Variants in IGSF10 observed in about 807,000 individuals in gnomAD.
IGSF10 encodes calvaria mechanical force protein 608.
In IGSF10, 126 loss-of-function variants were observed where a neutral mutation model predicts 128.2. The ratio of observed to expected loss-of-function variants is 0.98; its 90% confidence interval spans 0.85 to 1.14. The LOEUF (loss-of-function observed/expected upper bound fraction) is 1.14. IGSF10 is among the 50% of genes most tolerant of loss of function. The probability of loss-of-function intolerance (pLI) is 0.00; values close to 1 mark genes in which losing one functional copy is unlikely to be tolerated. For synonymous variants in IGSF10, 1,185 were observed against 1,146.2 expected, an observed-to-expected ratio of 1.03 and a Z score of -0.68; for missense variants, 3,295 against 3,149.8, an observed-to-expected ratio of 1.05 and a Z score of -1.10.
the IGSF10 span, among the ~76,000 whole-genome samples, chr3:151,532,141 C>A: frequency 6.6e-6 from 1 of 152,074 alleles, no homozygotes; most frequent in Non-Finnish European, 1.5e-5. Flanking sequence ...GAAGTCAAAT[C>A]CTGGAACAGA....
chr3:151,615,149 T>C, the IGSF10 span, among the ~76,000 whole-genome samples: 1 of 150,598 alleles, frequency 6.6e-6, no homozygotes, highest in Non-Finnish European at 1.5e-5. Context: ...GACAATGTTC[T>C]ACCCTCTAAT....
chr3:151,583,987 A>T, the IGSF10 span, among the ~76,000 whole-genome samples: 1 of 152,156 alleles, frequency 6.6e-6, no homozygotes, highest in Non-Finnish European at 1.5e-5. Flanking sequence ...TGTTACTTAG[A>T]TTATAAATAG....
At chr3:151,547,742 G>C in the IGSF10 span, among the ~76,000 whole-genome samples, 1 of 152,164 alleles carries the variant, frequency 6.6e-6, no homozygotes, top group Admixed American at 6.5e-5. Context: ...TTATGAGAAA[G>C]AGTGCATGGG....
At chr3:151,500,709 C>G in the IGSF10 span, among the ~76,000 whole-genome samples, 1 of 152,132 alleles carries the variant, frequency 6.6e-6, no homozygotes, top group Non-Finnish European at 1.5e-5. Context: ...AGAAGCATTT[C>G]TCACCGATAT....
chr3:151,497,515 G>A, the IGSF10 span, among the ~76,000 whole-genome samples: 19 of 152,120 alleles, frequency 1.2e-4, no homozygotes, highest in Non-Finnish European at 1.9e-4. Context: ...TGAGGGCTCT[G>A]TTCTGTTCCA....
At chr3:151,495,852 C>T in the IGSF10 span, among the ~76,000 whole-genome samples, 3 of 152,212 alleles carry the variant, frequency 2.0e-5, no homozygotes, top group Middle Eastern at 3.4e-3. Flanking sequence ...ATTCCTACTT[C>T]CCAATATGTA....
At chr3:151,553,536 A>T in the IGSF10 span, among the ~76,000 whole-genome samples, 1 of 152,022 alleles carries the variant, frequency 6.6e-6, no homozygotes, top group Non-Finnish European at 1.5e-5. Context: ...ACTATCACAG[A>T]TTCTTAAAAC....
chr3:151,576,798 G>A, the IGSF10 span, among the ~76,000 whole-genome samples: 1 of 152,094 alleles, frequency 6.6e-6, no homozygotes, highest in Non-Finnish European at 1.5e-5. Context: ...GAGGAGAGGC[G>A]GGAGAAACCC....
At position 151,443,793 on chromosome 3, in the gene IGSF10, G is replaced by GC; in HGVS notation, c.5153dup (p.Gly1719ArgfsTer54). ...TGGATGCGGAACACAAGTACTGTCC[G>GC]CGGTCCTGAATTTCCACCCTCTGGA... is the stretch of plus-strand genomic sequence containing the variant. On this transcript the variant is annotated frameshift_variant, in exon 7 of 8. Transcript: ENST00000282466. LOFTEE classifies it high-confidence loss of function. The GC allele has an allele frequency of 6.2e-7, 1 of 1,614,140 alleles. No individual in the cohort carries two copies. Among genetic ancestry groups the GC allele is most frequent in the Non-Finnish European group, 8.5e-7 (1 of 1,180,018 alleles).
chr3:151,440,187 G>T (rs2108533797), intron 7 of IGSF10, among the ~76,000 whole-genome samples: 1 of 152,110 alleles, frequency 6.6e-6, no homozygotes, highest in East Asian at 1.9e-4. Context: ...ACACCACTAT[G>T]CCCTCCTAAT....
Position 151,458,619 on chromosome 3 carries a change from G to A in IGSF10, c.91C>T (p.Arg31Cys), listed in dbSNP as rs377392405. 10 of 1,614,148 alleles carry A rather than the reference G, an allele frequency of 6.2e-6. No homozygotes were observed. Among genetic ancestry groups the A allele is most frequent in the African/African-American group, 4.0e-5 (3 of 75,038 alleles). The part of the protein sequence containing the change: ...VATPGGKACP[R>C]RCACYMPTEV... ...GTAGGCATATAACAGGCACAGCGGC[G>A]AGGACAGGCCTTGCCCCCAGGGGTG... The change falls in exon 3 of 8, where the codon CGC becomes TGC. Residue 31 changes from arginine (R) to cysteine (C), a missense_variant. Arg to Cys is a radical substitution (Grantham distance 180). Transcript: ENST00000282466.
chr3:151,600,394 C>A, the IGSF10 span, among the ~76,000 whole-genome samples: 1 of 152,118 alleles, frequency 6.6e-6, no homozygotes, highest in Non-Finnish European at 1.5e-5. Context: ...TACTTCATGT[C>A]TACACGTATT....
chr3:151,524,890 C>T, the IGSF10 span, among the ~76,000 whole-genome samples: 5 of 151,606 alleles, frequency 3.3e-5, no homozygotes, highest in Non-Finnish European at 5.9e-5. Context: ...TTCCTTCTTC[C>T]TTCTCTTCCA....
chr3:151,453,368 T>C lies in IGSF10; in HGVS notation c.715+16A>G. ...CCTCCACTTAATTGGGACAAAAAAA[T>C]AAACAATATAGATACCTGGCTTCTC... is the stretch of plus-strand genomic sequence containing the variant. On this transcript the variant is annotated intron_variant, in intron 5 of 7. Coordinates refer to ENST00000282466, the MANE Select transcript of IGSF10 (RefSeq NM_178822.5). 6.5e-7 allele frequency: 1 copy of C among 1,542,582 alleles called. No homozygotes were observed. Among genetic ancestry groups the C allele is most frequent in the Non-Finnish European group, 8.7e-7 (1 of 1,150,306 alleles).
the IGSF10 span, among the ~76,000 whole-genome samples, chr3:151,550,006 T>C: frequency 9.1e-4 from 138 of 152,070 alleles, no homozygotes; most frequent in South Asian, 7.5e-3. Flanking sequence ...TTAAGAAAAA[T>C]TAAAGGGTAA....
chr3:151,550,358 T>C, the IGSF10 span, among the ~76,000 whole-genome samples: 1 of 152,232 alleles, frequency 6.6e-6, no homozygotes, highest in East Asian at 1.9e-4. Context: ...TTGTCTTTTA[T>C]AATCTTTAAT....
the IGSF10 span, chr3:151,565,866 G>A: frequency 6.6e-6 from 1 of 151,880 alleles, no homozygotes; most frequent in Admixed American, 6.6e-5. Flanking sequence ...ATTAATTAAT[G>A]CATGAAAGTG....
In IGSF10 at chr3:151,446,605, T is replaced by A. The variant is rs1721205563; in HGVS notation, c.3376A>T (p.Ile1126Leu). The A allele has an allele frequency of 6.2e-7, 1 of 1,614,158 alleles. No individual in the cohort carries two copies. The stretch of plus-strand genomic sequence containing the variant: ...GAAATTTCAGTCCTGAAATATTTTA[T>A]TGTGGGTGTTGTTTTCTCTACACTG... ...KPSVEKTTPT[I>L]KYFRTEISQV... The change falls in exon 6 of 8, where the codon ATA becomes TTA. Residue 1126 changes from isoleucine (I) to leucine (L), a missense_variant. Physicochemically the swap from Ile to Leu is conservative, Grantham distance 5 (BLOSUM62 2). Coordinates refer to ENST00000282466, the MANE Select transcript of IGSF10 (RefSeq NM_178822.5).
At chr3:151,532,507 G>A in the IGSF10 span, among the ~76,000 whole-genome samples, 1 of 152,076 alleles carries the variant, frequency 6.6e-6, no homozygotes, top group African/African-American at 2.4e-5. Flanking sequence ...CCCCTGGGAT[G>A]CAAGGCTAGT....
Sources: allele counts gnomAD v4.1 joint callset (sites outside exome capture counted in the v4.1 genomes callset), GRCh38; gene constraint gnomAD v4.1.1; transcripts MANE v1.5; gene names NCBI Gene and HGNC (gene_info 2026-07-23, HGNC 2026-07-21).